RGPD1: variants seen among roughly 807,000 people sequenced by gnomAD.
RGPD1 encodes RANBP2 like and GRIP domain containing 1, also known as RANBP2-like and GRIP domain-containing protein 1.
In RGPD1, 7 loss-of-function variants were observed where a neutral mutation model predicts 40.6. The ratio of observed to expected loss-of-function variants is 0.17; its 90% CI spans 0.10 to 0.32. The LOEUF is 0.32. Ranked by LOEUF, RGPD1 falls within the 10% of genes least tolerant of loss-of-function variation. The pLI is 1.00. For missense variants in RGPD1, 50 were observed against 472.5 expected, an observed-to-expected ratio of 0.11 and a Z score of 8.29; for synonymous variants, 24 against 167.0, an observed-to-expected ratio of 0.14 and a Z score of 6.60.
intron 22 of RGPD1, among the ~76,000 whole-genome samples, chr2:86,998,489 C>T (rs1219805300): frequency 2.5e-3 from 57 of 22,484 alleles, no homozygotes; most frequent in African/African-American, 9.8e-3. Flanking sequence ...TCCAGCCTGA[C>T]GGCAGAGCGA....
At position 86,922,864 on chromosome 2, in the gene RGPD1, G is replaced by A. The variant is rs1307144444; in HGVS notation, c.72+8943G>A. Reference sequence around the variant, plus strand: ...GAGTAGGATCTGTTACATTTTCTATGGTCTTTAATGATTATCCAAAAATTA... The same window carrying A: ...GAGTAGGATCTGTTACATTTTCTATAGTCTTTAATGATTATCCAAAAATTA... On this transcript the variant is annotated intron_variant, in intron 1 of 22. Transcript: ENST00000398193. Among the ~76,000 whole-genome samples, 35 of 125,388 alleles carry A rather than the reference G, an allele frequency of 2.8e-4. No individual in the cohort carries two copies. The South Asian group carries it at 0.01, about 36-fold the overall frequency. The allele number at this position is 125,388 out of a possible 152,430, so 82.3% of individuals were successfully genotyped here. A position where few individuals can be genotyped will look rare whatever the true frequency, so the allele number is the denominator to read the frequency against.
chr2:86,919,696 C>A (rs1235334984), intron 1 of RGPD1, among the ~76,000 whole-genome samples: 1 of 113,328 alleles, frequency 8.8e-6, no homozygotes, highest in Non-Finnish European at 1.7e-5. Context: ...CCTGTCCTGT[C>A]TCTCTCTATA....
intron 1 of RGPD1, among the ~76,000 whole-genome samples, chr2:86,942,568 G>A (rs1158235304): frequency 7.7e-6 from 1 of 130,030 alleles, no homozygotes; most frequent in South Asian, 2.4e-4. Context: ...GACGTGGCCC[G>A]GCGGCGGCCT....
At chr2:86,944,931 C>T (rs1680228684) in intron 1 of RGPD1, among the ~76,000 whole-genome samples, 3 of 151,836 alleles carry the variant, frequency 2.0e-5, no homozygotes, top group African/African-American at 7.3e-5. Flanking sequence ...GTTACCCAGG[C>T]TGGTCTCCAA....
At chr2:86,945,689 C>T (rs1293534260) in intron 1 of RGPD1, among the ~76,000 whole-genome samples, 1 of 151,780 alleles carries the variant, frequency 6.6e-6, no homozygotes, top group African/African-American at 2.4e-5. Context: ...ACCAGCCTGA[C>T]CAACATGGTG....
At chr2:86,931,357 C>T (rs578057175) in intron 1 of RGPD1, among the ~76,000 whole-genome samples, 5 of 151,390 alleles carry the variant, frequency 3.3e-5, no homozygotes, top group Admixed American at 6.6e-5. Flanking sequence ...ACTTGATCCT[C>T]CGTGCTTGAC....
chr2:86,973,727 T>TA (rs1681230113), intron 9 of RGPD1, among the ~76,000 whole-genome samples: 1 of 60,002 alleles, frequency 1.7e-5, no homozygotes, highest in Non-Finnish European at 3.5e-5. Context: ...TTTAATGACT[T>TA]AAAGGAAAAC....
intron 1 of RGPD1, 95 bp downstream of exon 1, chr2:86,942,403 C>A: frequency 8.0e-7 from 1 of 1,257,222 alleles, no homozygotes; most frequent in East Asian, 4.9e-5. Flanking sequence ...GGGCGGCGGC[C>A]TCGATGGCTC....
At chr2:86,924,572 C>T (rs1447075549) in intron 1 of RGPD1, among the ~76,000 whole-genome samples, 1 of 150,558 alleles carries the variant, frequency 6.6e-6, no homozygotes, top group South Asian at 2.1e-4. Context: ...CTCAAGCCAT[C>T]CTCCTACCTC....
chr2:86,924,904 G>A (rs1678359600), intron 1 of RGPD1, among the ~76,000 whole-genome samples: 2 of 150,234 alleles, frequency 1.3e-5, no homozygotes, highest in Admixed American at 6.6e-5. Flanking sequence ...GACTGCTTCA[G>A]CCCAGGAGAC....
chr2:86,933,234 T>C lies in RGPD1; in HGVS notation c.73-18062T>C, dbSNP rs529038127. 3.3e-3 allele frequency among the ~76,000 whole-genome samples: 502 copies of C among 150,452 alleles called. 14 individuals carry two copies. Among genetic ancestry groups the C allele is most frequent in the African/African-American group, 0.011 (465 of 41,184 alleles). On this transcript the variant is annotated intron_variant, in intron 1 of 22. Coordinates refer to the RGPD1 transcript ENST00000398193. Reference sequence around the variant, plus strand: ...AAGTGGTAGAGTTAACATTCTGCTTTTAATTTATCTACAAAAACATGTGAA... The same window carrying C: ...AAGTGGTAGAGTTAACATTCTGCTTCTAATTTATCTACAAAAACATGTGAA...
chr2:86,941,278 G>A (rs1280869729), upstream of RGPD1, among the ~76,000 whole-genome samples: 3 of 148,700 alleles, frequency 2.0e-5, no homozygotes, highest in African/African-American at 7.4e-5. Flanking sequence ...CATTTTTGAA[G>A]ATTTGGAAAA....
intron 1 of RGPD1, among the ~76,000 whole-genome samples, chr2:86,914,473 G>T (rs1393800294): frequency 1.7e-4 from 2 of 11,682 alleles, no homozygotes; most frequent in Admixed American, 6.2e-4. Context: ...CGGCGGCGGC[G>T]GCCTCGGCCT....
intron 1 of RGPD1, among the ~76,000 whole-genome samples, chr2:86,923,170 C>T (rs1382606733): frequency 6.8e-6 from 1 of 147,576 alleles, no homozygotes; most frequent in Non-Finnish European, 1.5e-5. Flanking sequence ...TCCTGAATAG[C>T]TGGGATTACA....
chr2:86,942,874 G>A (rs1471129661), intron 1 of RGPD1, among the ~76,000 whole-genome samples: 2 of 152,064 alleles, frequency 1.3e-5, no homozygotes, highest in Admixed American at 6.5e-5. Context: ...TACCTTTGGC[G>A]CCGGATCTTC....
In RGPD1 at chr2:86,942,539, G is replaced by GGGC. The variant is rs1230618193; in HGVS notation, c.72+244_72+246dup. On this transcript the variant is annotated intron_variant, in intron 1 of 22. Coordinates refer to ENST00000641458, the MANE Select transcript of RGPD1 (RefSeq NM_001382344.1). ...CGGCGGCGGCGGCCTCGACCTGGCC[G>GGGC]GGCGGCGGCGGCGGCCTCGACGTGG... Among the ~76,000 whole-genome samples, 36 of 68,380 alleles carry GGGC rather than the reference G, an allele frequency of 5.3e-4. 2 individuals carry two copies. The highest frequency in any genetic ancestry group is 1.4e-3 in the African/African-American group (29 of 20,318). 44.9% of individuals were successfully genotyped at this position (68,380 alleles called of 152,430 possible).
At chr2:86,997,782 AC>A (rs1681838770) in intron 22 of RGPD1, 24 bp downstream of exon 22, 1 of 532,728 alleles carries the variant, frequency 1.9e-6, no homozygotes, top group African/African-American at 2.7e-5. Flanking sequence ...GAGTCTCAGA[AC>A]TTCTGACTTC....
upstream of RGPD1, chr2:86,913,693 G>C (rs1411349660): frequency 7.6e-7 from 1 of 1,320,100 alleles, no homozygotes. Context: ...CGCCGACGTC[G>C]CCAAGGATAC....
At chr2:86,929,005 G>GT in intron 1 of RGPD1, among the ~76,000 whole-genome samples, 1 of 143,350 alleles carries the variant, frequency 7.0e-6, no homozygotes, top group Non-Finnish European at 1.5e-5. Flanking sequence ...GAATGAAAGG[G>GT]TGCTGCAGGG....
Sources: gnomAD v4.1 joint callset for allele counts (sites outside exome capture counted in the v4.1 genomes callset) on GRCh38, gnomAD v4.1.1 for gene constraint, MANE v1.5 for transcripts, NCBI Gene and HGNC (gene_info 2026-07-23, HGNC 2026-07-21) for gene names.